Variants in ANGPT2 observed in about 807,000 individuals in gnomAD.
ANGPT2 encodes the protein angiopoietin-2.
In ANGPT2, 28 loss-of-function variants were observed where a neutral mutation model predicts 62.9. That is an observed-to-expected ratio of 0.44 (90% CI 0.33 to 0.61). The LOEUF (loss-of-function observed/expected upper bound fraction) is 0.61. Ranked by LOEUF, ANGPT2 falls within the 20% of genes least tolerant of loss-of-function variation. The pLI, the probability that ANGPT2 is intolerant of heterozygous loss-of-function variation, is 0.03. For synonymous variants in ANGPT2, 284 were observed against 207.8 expected (o/e 1.37, Z -3.15); for missense variants, 727 against 594.9 (o/e 1.22, Z -2.31).
chr8:6,499,822 T>C lies in ANGPT2; in HGVS notation c.*3279A>G, dbSNP rs760235013. ...TTGCCTGCTAAGGCTAATAAATGTATAATAAATCTGCTTGTTGTGTCACTT... is the reference window on the plus strand; with the variant it reads ...TTGCCTGCTAAGGCTAATAAATGTACAATAAATCTGCTTGTTGTGTCACTT... On this transcript the variant is annotated 3_prime_UTR_variant, in exon 9 of 9. Transcript: ENST00000629816. 1.2e-5 allele frequency: 20 copies of C among 1,602,904 alleles called. No individual in the cohort carries two copies. The highest frequency in any genetic ancestry group is 5.5e-5 in the South Asian group (5 of 90,798).
chr8:6,535,475 CTAAGTA>C (rs1180410478), intron 1 of ANGPT2, among the ~76,000 whole-genome samples: 1 of 152,094 alleles, frequency 6.6e-6, no homozygotes, highest in Non-Finnish European at 1.5e-5. Context: ...TTCAGGATGA[CTAAGTA>C]TAGGTTCACA....
At chr8:6,551,298 G>A (rs970214604) in intron 1 of ANGPT2, among the ~76,000 whole-genome samples, 3 of 152,148 alleles carry the variant, frequency 2.0e-5, no homozygotes, top group African/African-American at 7.2e-5. Flanking sequence ...GGGTGAAGAA[G>A]GGGAAAGGAA....
chr8:6,546,402 G>A (rs1220290638), intron 1 of ANGPT2, among the ~76,000 whole-genome samples: 1 of 152,182 alleles, frequency 6.6e-6, no homozygotes, highest in East Asian at 1.9e-4. Context: ...AGTGCTACAG[G>A]AAAATTAGCA....
At chr8:6,529,926 CTATGAA>C (rs951890125) in intron 2 of ANGPT2, among the ~76,000 whole-genome samples, 8 of 151,466 alleles carry the variant, frequency 5.3e-5, no homozygotes, top group Admixed American at 3.3e-4. Flanking sequence ...ACATCAAATG[CTATGAA>C]GTCTCTGACC....
At chr8:6,529,303 A>C (rs1868553) in intron 2 of ANGPT2, among the ~76,000 whole-genome samples, 33,539 of 152,130 alleles carry the variant, frequency 0.22, 5,361 homozygotes, top group African/African-American at 0.45. Flanking sequence ...TCATTCTGAC[A>C]GGCTTGGAGA....
At chr8:6,520,682 C>T (rs1446320904) in intron 4 of ANGPT2, among the ~76,000 whole-genome samples, 1 of 152,296 alleles carries the variant, frequency 6.6e-6, no homozygotes, top group East Asian at 1.9e-4. Flanking sequence ...AGGCGTGATC[C>T]ACCACACCTG....
chr8:6,551,848 T>C (rs1823704177), intron 1 of ANGPT2, among the ~76,000 whole-genome samples: 1 of 152,194 alleles, frequency 6.6e-6, no homozygotes, highest in South Asian at 2.1e-4. Flanking sequence ...TCGAGCAGAA[T>C]TTTTACACCA....
chr8:6,524,197 C>A (rs1437190771), intron 3 of ANGPT2, among the ~76,000 whole-genome samples: 1 of 152,134 alleles, frequency 6.6e-6, no homozygotes, highest in Non-Finnish European at 1.5e-5. Flanking sequence ...ACCTCATATT[C>A]CCTTTTTTGA....
rs1817261941 is a variant in ANGPT2 at position 6,521,167 on chromosome 8, T to C, written c.799+11A>G. Reference sequence around the variant, plus strand: ...TATTAACGCTGAAGAAAGCATGATATGTAAACTTACAGTTTGATGTGGACA... The same window carrying C: ...TATTAACGCTGAAGAAAGCATGATACGTAAACTTACAGTTTGATGTGGACA... On this transcript the variant is annotated intron_variant, in intron 4 of 8. Transcript: ENST00000629816. The C allele has an allele frequency of 6.2e-7, 1 of 1,606,534 alleles. No individual in the cohort carries two copies. Among genetic ancestry groups the C allele is most frequent in the Non-Finnish European group, 8.5e-7 (1 of 1,173,912 alleles).
intron 8 of ANGPT2, chr8:6,508,715 G>A (rs1397656317): frequency 3.1e-6 from 2 of 654,752 alleles, no homozygotes; most frequent in African/African-American, 3.6e-5. Flanking sequence ...AGGAGACACA[G>A]TTGGCTTGCT....
intron 1 of ANGPT2, among the ~76,000 whole-genome samples, chr8:6,553,311 C>G (rs117370280): frequency 6.6e-6 from 1 of 152,070 alleles, no homozygotes; most frequent in Non-Finnish European, 1.5e-5. Flanking sequence ...TGAAAAGGAA[C>G]AAGTAAAGCA....
Position 6,501,675 on chromosome 8 carries a change from C to G in ANGPT2, c.*1426G>C, listed in dbSNP as rs1441504604. ...GTGCAAGCAATTCTCCCTGCCTCAG[C>G]CTCCCGAGTAGCTGGGATTACAGGT... On this transcript the variant is annotated 3_prime_UTR_variant, in exon 9 of 9. Transcript: ENST00000629816. The G allele has an allele frequency of 6.6e-6, 1 of 151,558 alleles. No homozygotes were observed. Among genetic ancestry groups the G allele is most frequent in the Non-Finnish European group, 1.5e-5 (1 of 68,024 alleles). The allele number at this position is 151,558 out of a possible 1,614,324, so 9.4% of individuals were successfully genotyped here.
At chr8:6,506,778 CTT>C (rs552063597) in intron 8 of ANGPT2, among the ~76,000 whole-genome samples, 58 of 127,900 alleles carry the variant, frequency 4.5e-4, no homozygotes, top group Admixed American at 4.8e-4. Flanking sequence ...CAGAGGATTG[CTT>C]TTTTTTTTTT....
chr8:6,535,283 A>G (rs1820278527), intron 1 of ANGPT2, among the ~76,000 whole-genome samples: 1 of 152,224 alleles, frequency 6.6e-6, no homozygotes, highest in African/African-American at 2.4e-5. Flanking sequence ...CTCCAGAGAT[A>G]TGAGAGGATT....
intron 1 of ANGPT2, among the ~76,000 whole-genome samples, chr8:6,534,567 C>G (rs901765622): frequency 6.6e-6 from 1 of 152,156 alleles, no homozygotes; most frequent in African/African-American, 2.4e-5. Context: ...GCACATCTGG[C>G]TGAAGCCTTA....
At position 6,558,703 on chromosome 8, in the gene ANGPT2, C is replaced by T. The variant is rs190192598; in HGVS notation, c.288+3944G>A. 1.7e-3 allele frequency among the ~76,000 whole-genome samples: 260 copies of T among 152,216 alleles called. 1 individual carries two copies. Among genetic ancestry groups the T allele is most frequent in the African/African-American group, 5.5e-3 (228 of 41,528 alleles). ...TGGAAATCCATTTCCTAGTTCTAAA[C>T]TCTGCAAGCAAACAATCATCTCCCC... On this transcript the variant is annotated intron_variant, in intron 1 of 8. Transcript: ENST00000629816.
At chr8:6,562,572 G>GTTTTTAAAACCT in intron 1 of ANGPT2, 75 bp downstream of exon 1, 1 of 42,834 alleles carries the variant, frequency 2.3e-5, no homozygotes. Context: ...TTTTTTTTTT[G>GTTTTTAAAACCT]GTTGTTAAAA....
chr8:6,530,193 G>C lies in ANGPT2; in HGVS notation c.444+2139C>G, dbSNP rs561366269. Among the ~76,000 whole-genome samples, 3 of 152,100 alleles carry C rather than the reference G, an allele frequency of 2.0e-5. 1 individual carries two copies. The highest frequency in any genetic ancestry group is 4.2e-4 in the South Asian group (2 of 4,816). On this transcript the variant is annotated intron_variant, in intron 2 of 8. Coordinates refer to ENST00000629816, the MANE Select transcript of ANGPT2 (RefSeq NM_001118887.2). The stretch of plus-strand genomic sequence containing the variant: ...TAATCATTACTAATTTATTTTAATA[G>C]GTTGGTGCAATTTTGCCATTGAAAG...
intron 1 of ANGPT2, among the ~76,000 whole-genome samples, chr8:6,537,743 T>C (rs1820769296): frequency 6.6e-6 from 1 of 152,114 alleles, no homozygotes; most frequent in Admixed American, 6.5e-5. Flanking sequence ...AAGATTGTCA[T>C]CATTATTTTT....
Sources: allele counts gnomAD v4.1 joint callset (sites outside exome capture counted in the v4.1 genomes callset), GRCh38; gene constraint gnomAD v4.1.1; transcripts MANE v1.5; gene names NCBI Gene and HGNC (gene_info 2026-07-23, HGNC 2026-07-21).